The following MACROD2 variants were observed in gnomAD, a reference collection of about 807,000 sequenced individuals.
The protein encoded by MACROD2 is ADP-ribose glycohydrolase MACROD2.
Under a neutral mutation model 70.4 loss-of-function variants are expected in MACROD2, and 36 were observed. The observed-to-expected ratio is 0.51, with a 90% CI of 0.39 to 0.68. MACROD2 has a LOEUF of 0.68. MACROD2 is among the 30% of genes least tolerant of loss of function. The pLI, the probability that MACROD2 is intolerant of heterozygous loss-of-function variation, is 0.00. For missense variants in MACROD2, 496 were observed against 538.4 expected, an observed-to-expected ratio of 0.92 and a Z score of 0.78; for synonymous variants, 172 against 178.8, an observed-to-expected ratio of 0.96 and a Z score of 0.30.
intron 3 of MACROD2, among the ~76,000 whole-genome samples, chr20:14,369,998 T>A (rs1052327284): frequency 6.6e-6 from 1 of 152,194 alleles, no homozygotes; most frequent in Non-Finnish European, 1.5e-5. Flanking sequence ...ATATAAACTT[T>A]TGTGATGTTA....
At chr20:14,191,071 AGAGG>A (rs760874687) in intron 3 of MACROD2, among the ~76,000 whole-genome samples, 304 of 152,190 alleles carry the variant, frequency 2.0e-3, no homozygotes, top group Admixed American at 6.5e-3. Context: ...TTTAAATCTC[AGAGG>A]CACATTACAT....
intron 12 of MACROD2, among the ~76,000 whole-genome samples, chr20:15,948,029 G>T (rs555905121): frequency 1.1e-4 from 16 of 152,096 alleles, no homozygotes; most frequent in African/African-American, 3.4e-4. Flanking sequence ...AGCGGTCATT[G>T]GCCAACCTCC....
At chr20:15,385,214 CAG>C (rs964966527) in intron 6 of MACROD2, among the ~76,000 whole-genome samples, 1 of 152,150 alleles carries the variant, frequency 6.6e-6, no homozygotes. Context: ...ACCCTGAAGA[CAG>C]AGAATTTGTC....
chr20:14,210,871 A>C (rs1476975550), intron 3 of MACROD2, among the ~76,000 whole-genome samples: 3 of 152,192 alleles, frequency 2.0e-5, no homozygotes, highest in Non-Finnish European at 4.4e-5. Flanking sequence ...TGATTGGCTG[A>C]TTGGCGACTC....
chr20:14,991,730 G>A (rs1218685919), intron 5 of MACROD2, among the ~76,000 whole-genome samples: 1 of 152,220 alleles, frequency 6.6e-6, no homozygotes, highest in Non-Finnish European at 1.5e-5. Context: ...GGGTAAGGGT[G>A]AAGCAAGGTG....
rs1429839496 is a variant in MACROD2, at chr20:14,866,893, A to G, written c.418+181934A>G. On this transcript the variant is annotated intron_variant, in intron 5 of 17. Transcript: ENST00000684519. Reference sequence around the variant, plus strand: ...TGTTAATGCAACCTTGTCAAGAAGAATAAATCTGAAAAGTGGTTAAATCAA... The same window carrying G: ...TGTTAATGCAACCTTGTCAAGAAGAGTAAATCTGAAAAGTGGTTAAATCAA... Among the ~76,000 whole-genome samples the G allele has an allele frequency of 2.6e-5, 4 of 152,180 alleles. No individual in the cohort carries two copies. The East Asian group carries it at 5.8e-4, about 22-fold the overall frequency.
rs2047260461 is a variant in MACROD2 at position 15,493,774 on chromosome 20, A to G, written c.572-6000A>G. On this transcript the variant is annotated intron_variant, in intron 7 of 17. Coordinates refer to ENST00000684519, the MANE Select transcript of MACROD2 (RefSeq NM_001351661.2). ...ACCATTCTGGGTTTTCAATAATTCCAACAAACATACAGTTTAGACATGGGG... is the reference window on the plus strand; with the variant it reads ...ACCATTCTGGGTTTTCAATAATTCCGACAAACATACAGTTTAGACATGGGG... Among the ~76,000 whole-genome samples the G allele has an allele frequency of 2.0e-5, 3 of 152,354 alleles. No individual in the cohort carries two copies. The South Asian group carries it at 6.2e-4, about 32-fold the overall frequency.
intron 3 of MACROD2, among the ~76,000 whole-genome samples, chr20:14,195,212 A>T (rs1243614631): frequency 6.6e-6 from 1 of 152,170 alleles, no homozygotes; most frequent in East Asian, 1.9e-4. Flanking sequence ...GCAAAAAGGG[A>T]TATAAAAAGA....
chr20:15,805,942 A>G (rs1283053381), intron 8 of MACROD2, among the ~76,000 whole-genome samples: 1 of 152,174 alleles, frequency 6.6e-6, no homozygotes, highest in African/African-American at 2.4e-5. Context: ...TCTAATTTGT[A>G]GCCTCTGCTT....
At chr20:14,135,970 TA>T (rs1452541855) in intron 3 of MACROD2, among the ~76,000 whole-genome samples, 4 of 152,140 alleles carry the variant, frequency 2.6e-5, no homozygotes, top group Non-Finnish European at 5.9e-5. Context: ...AATTCAACAT[TA>T]TGCTGGTCCT....
chr20:15,051,984 CTTGTGA>C (rs1220085417), intron 5 of MACROD2, among the ~76,000 whole-genome samples: 1 of 152,140 alleles, frequency 6.6e-6, no homozygotes, highest in African/African-American at 2.4e-5. Context: ...ACCTTTTGAC[CTTGTGA>C]TCCGCCCGTC....
chr20:15,298,622 G>A (rs1458818132), intron 6 of MACROD2, among the ~76,000 whole-genome samples: 1 of 152,222 alleles, frequency 6.6e-6, no homozygotes, highest in African/African-American at 2.4e-5. Context: ...TGAAACTAGT[G>A]TGTGTTTGTA....
At chr20:14,179,310 T>A (rs1368960047) in intron 3 of MACROD2, among the ~76,000 whole-genome samples, 1 of 152,220 alleles carries the variant, frequency 6.6e-6, no homozygotes, top group Non-Finnish European at 1.5e-5. Context: ...GAGATTTTCT[T>A]TGTAACTGAA....
At chr20:15,988,377 A>G (rs971653418) in intron 15 of MACROD2, among the ~76,000 whole-genome samples, 17 of 152,170 alleles carry the variant, frequency 1.1e-4, no homozygotes, top group African/African-American at 4.1e-4. Context: ...GAAATAGACA[A>G]TGCTGTGCGT....
At chr20:15,815,361 T>C (rs1051344018) in intron 8 of MACROD2, among the ~76,000 whole-genome samples, 2 of 152,096 alleles carry the variant, frequency 1.3e-5, no homozygotes, top group African/African-American at 2.4e-5. Flanking sequence ...GCCCCAAGGC[T>C]GAAACTCTGT....
At chr20:14,799,177 TTTC>T (rs1437112108) in intron 5 of MACROD2, among the ~76,000 whole-genome samples, 6 of 152,176 alleles carry the variant, frequency 3.9e-5, no homozygotes, top group African/African-American at 7.2e-5. Flanking sequence ...CCTATAAAGA[TTTC>T]TTATTTGTAT....
intron 3 of MACROD2, among the ~76,000 whole-genome samples, chr20:14,148,372 T>C (rs1212744130): frequency 1.3e-5 from 2 of 152,208 alleles, no homozygotes; most frequent in African/African-American, 4.8e-5. Flanking sequence ...CTTACCATAT[T>C]TAATAAATTA....
chr20:15,718,441 G>A (rs565100605), intron 8 of MACROD2, among the ~76,000 whole-genome samples: 3 of 152,122 alleles, frequency 2.0e-5, no homozygotes, highest in Non-Finnish European at 2.9e-5. Context: ...TTTTTACATA[G>A]AGGTAATGCC....
chr20:15,032,053 C>T (rs1359141912), intron 5 of MACROD2, among the ~76,000 whole-genome samples: 1 of 152,184 alleles, frequency 6.6e-6, no homozygotes, highest in Non-Finnish European at 1.5e-5. Context: ...TCAGCGCTGC[C>T]TCAAGGGTGC....
Sources: allele counts gnomAD v4.1 joint callset (sites outside exome capture counted in the v4.1 genomes callset), GRCh38; gene constraint gnomAD v4.1.1; transcripts MANE v1.5; gene names NCBI Gene and HGNC (gene_info 2026-07-23, HGNC 2026-07-21).